The following ARFGEF3 variants were observed in gnomAD, a reference collection of about 807,000 sequenced individuals.
The protein encoded by ARFGEF3 is brefeldin A-inhibited guanine nucleotide-exchange protein 3.
A neutral mutation model predicts 221.7 loss-of-function variants in ARFGEF3; 96 were observed. The ratio of observed to expected loss-of-function variants is 0.43; its 90% CI spans 0.37 to 0.51. The LOEUF (loss-of-function observed/expected upper bound fraction) is 0.51, where lower values mean the gene tolerates loss of function less well. Among genes scored for constraint, ARFGEF3 ranks in the 20% least tolerant of loss-of-function variants. ARFGEF3 has a pLI of 0.00. For missense variants in ARFGEF3, 2,410 were observed against 2,789.9 expected (o/e 0.86, Z 3.07); for synonymous variants, 1,145 against 1,126.8 (o/e 1.02, Z -0.32).
At chr6:138,284,976 A>T (rs1779260719) in intron 14 of ARFGEF3, among the ~76,000 whole-genome samples, 1 of 152,228 alleles carries the variant, frequency 6.6e-6, no homozygotes, top group Non-Finnish European at 1.5e-5. Flanking sequence ...GAAAAGGTGC[A>T]ATAAAAGTAT....
At chr6:138,227,307 G>T (rs575628247) in intron 4 of ARFGEF3, among the ~76,000 whole-genome samples, 1 of 152,058 alleles carries the variant, frequency 6.6e-6, no homozygotes, top group Non-Finnish European at 1.5e-5. Flanking sequence ...ACACCCTTAC[G>T]AAGACCTCAC....
chr6:138,282,808 G>A (rs1394962866), intron 14 of ARFGEF3, among the ~76,000 whole-genome samples: 1 of 152,178 alleles, frequency 6.6e-6, no homozygotes, highest in Non-Finnish European at 1.5e-5. Flanking sequence ...TAGGACTTTG[G>A]GAGGCCGAGG....
chr6:138,264,516 C>A (rs948901049), intron 12 of ARFGEF3, among the ~76,000 whole-genome samples: 1 of 152,152 alleles, frequency 6.6e-6, no homozygotes, highest in African/African-American at 2.4e-5. Flanking sequence ...AAAGGGCTGA[C>A]CCTGGGAACT....
chr6:138,324,619 A>T (rs1320427226), intron 31 of ARFGEF3, among the ~76,000 whole-genome samples: 1 of 152,266 alleles, frequency 6.6e-6, no homozygotes. Flanking sequence ...GTATTCACTC[A>T]TGCAGGAATC....
chr6:138,317,667 C>G (rs923737222), intron 27 of ARFGEF3, among the ~76,000 whole-genome samples: 1 of 152,182 alleles, frequency 6.6e-6, no homozygotes. Context: ...ATGGTATCAG[C>G]GTCTCCAAGA....
chr6:138,317,362 A>T lies in ARFGEF3; in HGVS notation c.4457A>T (p.Asp1486Val). 1.2e-6 allele frequency: 2 copies of T among 1,613,990 alleles called. No individual in the cohort carries two copies. The highest frequency in any genetic ancestry group is 4.5e-5 in the East Asian group (2 of 44,888). Reference sequence around the variant, plus strand: ...GATTTACTCTTTGAGCTGTTGAGAGATGTGACGAAAACACCAGGTAAATAT... The same window carrying T: ...GATTTACTCTTTGAGCTGTTGAGAGTTGTGACGAAAACACCAGGTAAATAT... Reference protein sequence around the residue: ...TLDLLFELLRDVTKTPGPGFG... With the variant: ...TLDLLFELLRVVTKTPGPGFG... Residue 1486 changes from aspartate to valine, a missense_variant, in exon 27 of 34, where the codon GAT becomes GTT. Around this residue, in one of 5 missense-constraint regions of ARFGEF3, gnomAD observed 723 missense variants for 991.9 expected, o/e 0.73. Coordinates refer to ENST00000251691, the MANE Select transcript of ARFGEF3 (RefSeq NM_020340.5).
At chr6:138,277,228 A>C (rs1318272682) in intron 12 of ARFGEF3, among the ~76,000 whole-genome samples, 1 of 152,080 alleles carries the variant, frequency 6.6e-6, no homozygotes, top group Non-Finnish European at 1.5e-5. Flanking sequence ...CATCATATAT[A>C]TTTGTTATTT....
chr6:138,192,911 ATT>A lies in ARFGEF3; in HGVS notation c.138-14122_138-14121del, dbSNP rs371269570. 2.1e-4 allele frequency among the ~76,000 whole-genome samples: 32 copies of A among 150,142 alleles called. No homozygotes were observed. In the East Asian group the frequency reaches 5.1e-3, roughly 24 times the overall value. On this transcript the variant is annotated intron_variant, in intron 2 of 33. Coordinates refer to ENST00000251691, the MANE Select transcript of ARFGEF3 (RefSeq NM_020340.5). ...GACCAAGAGTAGTTTGACTCCAAAC[ATT>A]TTTTTTTTATGATAGTCTGTTTTCT...
chr6:138,266,965 A>T (rs1487116786), intron 12 of ARFGEF3, among the ~76,000 whole-genome samples: 1 of 151,892 alleles, frequency 6.6e-6, no homozygotes, highest in East Asian at 1.9e-4. Flanking sequence ...GCCTCTTCCC[A>T]GCTGGGAATA....
intron 13 of ARFGEF3, 89 bp downstream of exon 13, chr6:138,278,706 C>G: frequency 1.4e-6 from 2 of 1,415,906 alleles, no homozygotes; most frequent in Non-Finnish European, 1.9e-6. Flanking sequence ...AGTGGGATGG[C>G]ACAGCGTGTT....
rs571169734 is a variant in ARFGEF3, at chr6:138,166,324, A to G, written c.85+4153A>G. 6.6e-5 allele frequency among the ~76,000 whole-genome samples: 10 copies of G among 152,386 alleles called. No homozygotes were observed. The South Asian group carries it at 2.1e-3, about 32-fold the overall frequency. The stretch of plus-strand genomic sequence containing the variant: ...ACAACATAAAGAAAAAATTAAAATA[A>G]TCTTCAGTCTCCCTATCCGGAGATA... On this transcript the variant is annotated intron_variant, in intron 1 of 33. Coordinates refer to ENST00000251691, the MANE Select transcript of ARFGEF3 (RefSeq NM_020340.5).
chr6:138,195,751 G>A (rs894795788), intron 2 of ARFGEF3, among the ~76,000 whole-genome samples: 1 of 152,076 alleles, frequency 6.6e-6, no homozygotes, highest in African/African-American at 2.4e-5. Flanking sequence ...CCTAGTTCAA[G>A]GCATACCAAT....
intron 2 of ARFGEF3, among the ~76,000 whole-genome samples, chr6:138,179,007 A>T (rs1022674160): frequency 6.6e-6 from 1 of 152,190 alleles, no homozygotes; most frequent in Non-Finnish European, 1.5e-5. Context: ...CCAATATTCT[A>T]TGCCAAAGGA....
chr6:138,278,370 A>G (rs1241024658), intron 12 of ARFGEF3, 81 bp from the exon 13 acceptor site: 7 of 1,279,802 alleles, frequency 5.5e-6, no homozygotes, highest in East Asian at 2.3e-5. Flanking sequence ...ATCTCTCACG[A>G]TGGGTTCGCA....
Position 138,285,549 on chromosome 6 carries a change from T to A in ARFGEF3, c.2462-397T>A, listed in dbSNP as rs78008206. Among the ~76,000 whole-genome samples the A allele has an allele frequency of 5.4e-3, 821 of 152,310 alleles. 24 individuals are homozygous for A. The East Asian group carries it at 0.094, about 18-fold the overall frequency. ...CCAAAGAGGCTTATTCTCCTCTTAA[T>A]TCATGTAAGGAAGCTCTGAAACTAA... On this transcript the variant is annotated intron_variant, in intron 14 of 33. Coordinates refer to ENST00000251691, the MANE Select transcript of ARFGEF3 (RefSeq NM_020340.5).
intron 2 of ARFGEF3, among the ~76,000 whole-genome samples, chr6:138,179,734 A>T (rs1267090713): frequency 6.6e-6 from 1 of 152,134 alleles, no homozygotes; most frequent in Admixed American, 6.5e-5. Context: ...TGCTGCATTG[A>T]TCTATTTTAG....
Position 138,286,040 on chromosome 6 carries a change from C to G in ARFGEF3, c.2556C>G (p.Asp852Glu). The G allele has an allele frequency of 6.2e-7, 1 of 1,600,172 alleles. No individual in the cohort carries two copies. The highest frequency in any genetic ancestry group is 8.5e-7 in the Non-Finnish European group (1 of 1,173,992). ...SPFAQSRRID[D>E]STVAGVAFAR... is the part of the protein sequence containing the mutation. ...TCGCCCAGAGCAGGAGAATTGATGA[C>G]TCCACAGTGGCAGGTAATGACTTGG... The change falls in exon 15 of 34, where the codon GAC becomes GAG. Residue 852 changes from aspartate to glutamate, a missense_variant. Around this residue, in one of 5 missense-constraint regions of ARFGEF3, gnomAD observed 594 missense variants for 734.3 expected, o/e 0.81. Coordinates refer to ENST00000251691, the MANE Select transcript of ARFGEF3 (RefSeq NM_020340.5).
chr6:138,229,255 T>G (rs1000922943), intron 4 of ARFGEF3, among the ~76,000 whole-genome samples: 1 of 152,224 alleles, frequency 6.6e-6, no homozygotes, highest in Non-Finnish European at 1.5e-5. Flanking sequence ...TGGAGATGGC[T>G]TTGCCTCGTG....
rs373446561 is a variant in ARFGEF3 at position 138,255,680 on chromosome 6, A to G, written c.1015A>G (p.Met339Val). The G allele has an allele frequency of 6.2e-7, 1 of 1,613,414 alleles. No individual in the cohort carries two copies. The highest frequency in any genetic ancestry group is 1.1e-5 in the South Asian group (1 of 90,950). ...CCGGCTGGTGGGGTCTGTGGACTCC[A>G]TGAAGCCCGTGCTCCAGTCCCTCTA... ...LVRLVGSVDSMKPVLQSLYHR... is the reference protein window; with the variant it reads ...LVRLVGSVDSVKPVLQSLYHR... Residue 339 changes from methionine to valine, a missense_variant, in exon 10 of 34, where the codon ATG (methionine) becomes GTG (valine). Physicochemically the swap from Met to Val is conservative, Grantham distance 21. Around this residue, in one of 5 missense-constraint regions of ARFGEF3, gnomAD observed 570 missense variants for 586.9 expected, o/e 0.97. Transcript: ENST00000251691.
Sources: allele counts gnomAD v4.1 joint callset (sites outside exome capture counted in the v4.1 genomes callset), GRCh38; gene constraint gnomAD v4.1.1; regional missense constraint gnomAD v4.1.1; transcripts MANE v1.5; gene names NCBI Gene and HGNC (gene_info 2026-07-23, HGNC 2026-07-21).